Variants in C1QTNF3 observed in about 807,000 individuals in gnomAD.
C1QTNF3 encodes the protein C1q and TNF related 3.
C1QTNF3 carries 26 observed loss-of-function variants against 32.6 expected under a neutral mutation model. The ratio of observed to expected loss-of-function variants is 0.80; its 90% CI spans 0.58 to 1.11. The LOEUF is 1.11. Ranked by LOEUF, C1QTNF3 falls within the 50% of genes least tolerant of loss-of-function variation. The probability of loss-of-function intolerance (pLI) is 0.00; values close to 1 mark genes in which losing one functional copy is unlikely to be tolerated. For missense variants in C1QTNF3, 362 were observed against 398.2 expected, an observed-to-expected ratio of 0.91 and a Z score of 0.77; for synonymous variants, 155 against 146.0, an observed-to-expected ratio of 1.06 and a Z score of -0.44.
At chr5:34,105,136 T>C in the C1QTNF3 span, among the ~76,000 whole-genome samples, 5 of 152,238 alleles carry the variant, frequency 3.3e-5, no homozygotes, top group Admixed American at 3.3e-4. Flanking sequence ...GTTTCAGAAG[T>C]ATGATGACAT....
At chr5:34,056,452 G>GTATA in the C1QTNF3 span, among the ~76,000 whole-genome samples, 7 of 53,484 alleles carry the variant, frequency 1.3e-4, no homozygotes, top group East Asian at 1.7e-3. Context: ...GTGTGTGTGT[G>GTATA]TGTATATATA....
upstream of C1QTNF3, among the ~76,000 whole-genome samples, chr5:34,046,748 AAAC>A (rs898225754): frequency 1.6e-4 from 25 of 152,168 alleles, no homozygotes; most frequent in African/African-American, 5.5e-4. Flanking sequence ...AAACTTTTCA[AAAC>A]AACAACAAAA....
the C1QTNF3 span, among the ~76,000 whole-genome samples, chr5:34,073,791 CTAT>C: frequency 7.2e-5 from 11 of 151,870 alleles, no homozygotes; most frequent in African/African-American, 2.7e-4. Flanking sequence ...TCATTTGAAT[CTAT>C]TATATTTTTC....
chr5:34,150,184 C>A, the C1QTNF3 span, among the ~76,000 whole-genome samples: 192 of 52,982 alleles, frequency 3.6e-3, 2 homozygotes, highest in African/African-American at 0.02. Flanking sequence ...GCACCCAATA[C>A]AGGAGCACCC....
the C1QTNF3 span, among the ~76,000 whole-genome samples, chr5:34,213,128 T>G: frequency 1.3e-5 from 2 of 152,204 alleles, no homozygotes; most frequent in Admixed American, 1.3e-4. Flanking sequence ...AATGCATAAA[T>G]AATGAATGGA....
At chr5:34,243,759 A>G in the C1QTNF3 span, among the ~76,000 whole-genome samples, 1 of 151,762 alleles carries the variant, frequency 6.6e-6, no homozygotes, top group Non-Finnish European at 1.5e-5. Context: ...TGGAACCTAA[A>G]CATTGAGCAC....
the C1QTNF3 span, among the ~76,000 whole-genome samples, chr5:34,156,367 G>A: frequency 8.5e-5 from 13 of 152,198 alleles, no homozygotes; most frequent in African/African-American, 2.6e-4. Flanking sequence ...CACTACGCCC[G>A]GCTTCCAAAA....
At chr5:34,026,677 A>G (rs1286069527) in intron 4 of C1QTNF3, among the ~76,000 whole-genome samples, 3 of 152,110 alleles carry the variant, frequency 2.0e-5, no homozygotes, top group Non-Finnish European at 4.4e-5. Context: ...TGAGTTATCC[A>G]GTCTAGAAAC....
the C1QTNF3 span, among the ~76,000 whole-genome samples, chr5:34,072,920 T>C: frequency 6.6e-6 from 1 of 152,236 alleles, no homozygotes; most frequent in African/African-American, 2.4e-5. Context: ...AAATCTATTC[T>C]AAGACTTGGA....
chr5:34,213,469 G>A, the C1QTNF3 span, among the ~76,000 whole-genome samples: 2 of 151,468 alleles, frequency 1.3e-5, no homozygotes, highest in Non-Finnish European at 2.9e-5. Context: ...TTATCATTGA[G>A]GTCTATATGC....
chr5:34,070,487 T>C, the C1QTNF3 span, among the ~76,000 whole-genome samples: 1 of 152,176 alleles, frequency 6.6e-6, no homozygotes, highest in East Asian at 1.9e-4. Context: ...TTTTATTAAA[T>C]TGTCTGAATA....
At chr5:34,059,222 C>T in the C1QTNF3 span, among the ~76,000 whole-genome samples, 1 of 152,034 alleles carries the variant, frequency 6.6e-6, no homozygotes, top group Admixed American at 6.6e-5. Flanking sequence ...TGCAAATGGC[C>T]GTCATCTTGC....
At chr5:34,090,188 C>T in the C1QTNF3 span, among the ~76,000 whole-genome samples, 4 of 149,980 alleles carry the variant, frequency 2.7e-5, no homozygotes, top group East Asian at 1.9e-4. Flanking sequence ...TCTGTATGGA[C>T]GATCATAAAA....
At chr5:34,215,830 A>G in the C1QTNF3 span, among the ~76,000 whole-genome samples, 1 of 152,096 alleles carries the variant, frequency 6.6e-6, no homozygotes, top group East Asian at 1.9e-4. Flanking sequence ...ATGGGATCTC[A>G]CTATGTTGAC....
the C1QTNF3 span, chr5:34,182,976 C>CTTTTTT: frequency 3.5e-6 from 1 of 282,084 alleles, no homozygotes; most frequent in African/African-American, 2.4e-5. Flanking sequence ...GCTTCTGTTG[C>CTTTTTT]TTTTTTTTTT....
the C1QTNF3 span, among the ~76,000 whole-genome samples, chr5:34,139,025 G>T: frequency 6.6e-6 from 1 of 151,912 alleles, no homozygotes; most frequent in Non-Finnish European, 1.5e-5. Context: ...TTTAAGAAGG[G>T]TTAGCCTGAA....
At chr5:34,238,029 C>T in the C1QTNF3 span, among the ~76,000 whole-genome samples, 2 of 152,212 alleles carry the variant, frequency 1.3e-5, no homozygotes. Flanking sequence ...CAAAATTTAT[C>T]CTGCTACATA....
At chr5:34,044,453 C>G (rs1754948801), upstream of C1QTNF3, among the ~76,000 whole-genome samples, 1 of 152,140 alleles carries the variant, frequency 6.6e-6, no homozygotes, top group Non-Finnish European at 1.5e-5. Flanking sequence ...CTTGGAGAAG[C>G]TCAGCCTGCT....
Position 34,023,891 on chromosome 5 carries a change from A to G in C1QTNF3, c.800+18T>C, listed in dbSNP as rs1489650050. 6 of 1,600,074 alleles carry G rather than the reference A, an allele frequency of 3.7e-6. No individual in the cohort carries two copies. The highest frequency in any genetic ancestry group is 5.1e-6 in the Non-Finnish European group (6 of 1,167,454). On this transcript the variant is annotated intron_variant, in intron 5 of 5. Transcript: ENST00000382065. ...AATGGCAGCATGGATGAGACCCATGACAGAAAAGACCACCCACCTGTACAT... is the reference window on the plus strand; with the variant it reads ...AATGGCAGCATGGATGAGACCCATGGCAGAAAAGACCACCCACCTGTACAT...
Sources: gnomAD v4.1 joint callset for allele counts (sites outside exome capture counted in the v4.1 genomes callset) on GRCh38, gnomAD v4.1.1 for gene constraint, MANE v1.5 for transcripts, NCBI Gene and HGNC (gene_info 2026-07-23, HGNC 2026-07-21) for gene names.